DNAH9: variants seen among roughly 807,000 people sequenced by gnomAD.
DNAH9 encodes dynein axonemal heavy chain 9.
A neutral mutation model predicts 471.6 loss-of-function variants in DNAH9; 345 were observed. That is an observed-to-expected ratio of 0.73 (90% CI 0.67 to 0.80). The LOEUF is 0.80. DNAH9 is among the 30% of genes least tolerant of loss of function. The pLI is 0.00. For missense variants in DNAH9, 5,407 were observed against 5,609.2 expected, an observed-to-expected ratio of 0.96 and a Z score of 1.15; for synonymous variants, 2,093 against 2,123.6, an observed-to-expected ratio of 0.99 and a Z score of 0.40.
chr17:11,880,208 T>C lies in DNAH9; in HGVS notation c.10601+8T>C. On this transcript the variant is annotated splice_region_variant and intron_variant, in intron 54 of 68. Coordinates refer to ENST00000262442, the MANE Select transcript of DNAH9 (RefSeq NM_001372.4). The stretch of plus-strand genomic sequence containing the variant: ...AGTCATTAAAAAAGGACGGTAAGAC[T>C]CAGCTGTGTTGCTGACCCTTCGGGG... The C allele has an allele frequency of 6.2e-7, 1 of 1,612,614 alleles. No individual in the cohort carries two copies. The highest frequency in any genetic ancestry group is 8.5e-7 in the Non-Finnish European group (1 of 1,179,386).
intron 50 of DNAH9, among the ~76,000 whole-genome samples, chr17:11,854,895 C>T (rs1971567871): frequency 1.3e-5 from 2 of 152,252 alleles, no homozygotes; most frequent in South Asian, 2.1e-4. Flanking sequence ...TGGGTGGCCC[C>T]TAGTCCATAA....
At chr17:11,700,521 G>T (rs778169463) in intron 23 of DNAH9, among the ~76,000 whole-genome samples, 1 of 151,830 alleles carries the variant, frequency 6.6e-6, no homozygotes, top group Non-Finnish European at 1.5e-5. Context: ...TTTATTTATC[G>T]TCTGAAATGA....
chr17:11,694,230 G>A lies in DNAH9; in HGVS notation c.4746-91G>A, dbSNP rs73290872. On this transcript the variant is annotated intron_variant, in intron 21 of 68. Transcript: ENST00000262442. ...TTTCTTGTGCTAATGCATATGTTCC[G>A]TCTATTGCATATACATACATTTAAG... 2,674 of 1,411,572 alleles carry A rather than the reference G, an allele frequency of 1.9e-3. 53 individuals carry two copies. The African/African-American group carries it at 0.03, about 16-fold the overall frequency. The allele number at this position is 1,411,572 out of a possible 1,614,324, so 87.4% of individuals were successfully genotyped here. A position where few individuals can be genotyped will look rare whatever the true frequency, so the allele number is the denominator to read the frequency against.
intron 48 of DNAH9, among the ~76,000 whole-genome samples, chr17:11,828,958 T>A (rs1970596392): frequency 2.0e-5 from 3 of 152,102 alleles, no homozygotes. Context: ...ACTCTACAAA[T>A]GGGTGAATAA....
intron 41 of DNAH9, among the ~76,000 whole-genome samples, 185 bp from the exon 42 acceptor site, chr17:11,793,318 C>G (rs1479221249): frequency 2.0e-5 from 3 of 152,096 alleles, no homozygotes; most frequent in Non-Finnish European, 2.9e-5. Flanking sequence ...TAACTGCAAC[C>G]CTTGGGTCTT....
intron 63 of DNAH9, among the ~76,000 whole-genome samples, chr17:11,930,499 T>C (rs1177106814): frequency 2.6e-5 from 4 of 152,094 alleles, no homozygotes; most frequent in African/African-American, 7.2e-5. Context: ...GAATCTTGAG[T>C]ATCAAGGGTT....
Position 11,598,511 on chromosome 17 carries a change from G to A in DNAH9, c.13G>A (p.Glu5Lys). The A allele has an allele frequency of 1.5e-6, 2 of 1,350,298 alleles. No homozygotes were observed. The highest frequency in any genetic ancestry group is 6.1e-5 in the East Asian group (2 of 32,774). 83.6% of individuals were successfully genotyped at this position (1,350,298 alleles called of 1,614,324 possible). ...GAGGCCGCGCGCGATGCGGCTCGCG[G>A]AGGAGCGGGCCGCGCTCGCGGCGGA... MRLA[E>K]ERAALAAENA... The change falls in exon 1 of 69, where the codon GAG becomes AAG. Residue 5 changes from glutamate to lysine, a missense_variant. Glu to Lys is a moderately conservative substitution (Grantham distance 56, BLOSUM62 1). This residue lies in a region of DNAH9 where 767 missense variants were observed against 692.5 expected (regional missense o/e 1.11). Transcript: ENST00000262442.
At chr17:11,895,577 G>T (rs1042992693) in intron 59 of DNAH9, among the ~76,000 whole-genome samples, 4 of 152,108 alleles carry the variant, frequency 2.6e-5, no homozygotes, top group Non-Finnish European at 5.9e-5. Context: ...GTAACATCTT[G>T]CAATACTATA....
chr17:11,891,894 C>T lies in DNAH9; in HGVS notation c.11230C>T (p.Arg3744Cys), dbSNP rs562936126. Reference protein sequence around the residue: ...ITFSVYQYTIRGLFECDKLTY... With the variant: ...ITFSVYQYTICGLFECDKLTY... ...CTTCTCTGTGTACCAGTACACCATC[C>T]GCGGGCTCTTTGAGTGTGATAAGCT... is the stretch of plus-strand genomic sequence containing the variant. The change falls in exon 58 of 69, where the codon CGC becomes TGC. Residue 3744 changes from arginine (R) to cysteine (C), a missense_variant. Coordinates refer to ENST00000262442, the MANE Select transcript of DNAH9 (RefSeq NM_001372.4). 30 of 1,614,074 alleles carry T rather than the reference C, an allele frequency of 1.9e-5. No individual in the cohort carries two copies. The highest frequency in any genetic ancestry group is 1.2e-4 in the South Asian group (11 of 91,074).
In DNAH9 at chr17:11,834,828, G is replaced by A. The variant is rs758754444; in HGVS notation, c.9437G>A (p.Cys3146Tyr). 2 of 1,614,076 alleles carry A rather than the reference G, an allele frequency of 1.2e-6. No individual in the cohort carries two copies. Among genetic ancestry groups the A allele is most frequent in the Admixed American group, 1.7e-5 (1 of 59,990 alleles). The change falls in exon 49 of 69, where the codon TGT becomes TAT. Residue 3146 changes from cysteine to tyrosine, a missense_variant. By Grantham distance (194) the Cys-to-Tyr change is radical (BLOSUM62 -2). Around this residue, in one of 3 missense-constraint regions of DNAH9, gnomAD observed 4,636 missense variants for 4,900.3 expected, o/e 0.95. Transcript: ENST00000262442. ...MLEVKQKQKD[C>Y]EEDLAKAEPA... is the part of the protein sequence containing the mutation. ...GAGGTGAAACAGAAGCAGAAGGACT[G>A]TGAGGAGGACCTGGCAAAGGCTGAG...
In DNAH9 at chr17:11,744,929, A is replaced by G. The variant is rs763030100; in HGVS notation, c.6244A>G (p.Ile2082Val). 2 of 1,614,188 alleles carry G rather than the reference A, an allele frequency of 1.2e-6. No individual in the cohort carries two copies. Among genetic ancestry groups the G allele is most frequent in the South Asian group, 1.1e-5 (1 of 91,088 alleles). Residue 2082 changes from isoleucine to valine, a missense_variant, in exon 31 of 69, where the codon ATT (isoleucine) becomes GTT (valine). By Grantham distance (29) the Ile-to-Val change is conservative. Transcript: ENST00000262442. ...CTTGCGGGATTTCAACATCCCCAAG[A>G]TTGTGACTGATGACATGCCCATCTT... The part of the protein sequence containing the change: ...RSLRDFNIPK[I>V]VTDDMPIFMG...
intron 52 of DNAH9, among the ~76,000 whole-genome samples, chr17:11,874,226 C>T (rs989011890): frequency 2.4e-5 from 3 of 126,406 alleles, no homozygotes; most frequent in Non-Finnish European, 4.7e-5. Flanking sequence ...GCCTGTGTGA[C>T]AGAGCAAGAT....
At chr17:11,786,404 A>G (rs1403785765) in intron 41 of DNAH9, among the ~76,000 whole-genome samples, 1 of 152,156 alleles carries the variant, frequency 6.6e-6, no homozygotes, top group Non-Finnish European at 1.5e-5. Flanking sequence ...ACGACGAGTG[A>G]TATGGAAAGG....
rs74951922 is a variant in DNAH9 at position 11,806,391 on chromosome 17, T to C, written c.8421-1341T>C. 9.1e-3 allele frequency among the ~76,000 whole-genome samples: 1,386 copies of C among 152,258 alleles called. 21 individuals are homozygous for C. Among genetic ancestry groups the C allele is most frequent in the African/African-American group, 0.032 (1,324 of 41,530 alleles). ...TACAGTGTTATTTATAAATGGAAAATGTTGGAAGCAACATACATATCCAAG... is the reference window on the plus strand; with the variant it reads ...TACAGTGTTATTTATAAATGGAAAACGTTGGAAGCAACATACATATCCAAG... On this transcript the variant is annotated intron_variant, in intron 43 of 68. Coordinates refer to ENST00000262442, the MANE Select transcript of DNAH9 (RefSeq NM_001372.4).
At chr17:11,810,427 A>G in intron 45 of DNAH9, 58 bp downstream of exon 45, 1 of 1,570,756 alleles carries the variant, frequency 6.4e-7, no homozygotes, top group Non-Finnish European at 8.6e-7. Context: ...TCAGAGTTAT[A>G]CAAAGGTGAA....
At chr17:11,817,824 A>G (rs997784426) in intron 45 of DNAH9, among the ~76,000 whole-genome samples, 4 of 152,252 alleles carry the variant, frequency 2.6e-5, no homozygotes, top group African/African-American at 9.6e-5. Context: ...AAAGAATAGA[A>G]ATTAAATAAG....
intron 18 of DNAH9, 103 bp from the exon 19 acceptor site, chr17:11,680,620 A>G (rs1441946154): frequency 2.1e-6 from 2 of 960,808 alleles, no homozygotes; most frequent in African/African-American, 1.6e-5. Flanking sequence ...CCATTGTACC[A>G]TCTTGTAGCA....
intron 45 of DNAH9, among the ~76,000 whole-genome samples, chr17:11,815,258 C>T (rs1204569285): frequency 1.1e-4 from 17 of 150,162 alleles, no homozygotes; most frequent in African/African-American, 4.2e-4. Flanking sequence ...ACTTTGTGTT[C>T]TGTGGATTCC....
chr17:11,805,564 T>C (rs1190403338), intron 43 of DNAH9, among the ~76,000 whole-genome samples: 3 of 103,432 alleles, frequency 2.9e-5, no homozygotes, highest in Non-Finnish European at 5.6e-5. Context: ...TTTTTTTTTT[T>C]TGAGATGGAG....
Sources: gnomAD v4.1 joint callset for allele counts (sites outside exome capture counted in the v4.1 genomes callset) on GRCh38, gnomAD v4.1.1 for gene constraint, gnomAD v4.1.1 regional missense constraint, MANE v1.5 for transcripts, NCBI Gene and HGNC (gene_info 2026-07-23, HGNC 2026-07-21) for gene names.